The following ASIC2 variants were observed in gnomAD, a reference collection of about 807,000 sequenced individuals.
ASIC2 encodes the protein acid-sensing ion channel 2.
ASIC2 carries 25 observed loss-of-function variants against 57.3 expected under a neutral mutation model. That is an observed-to-expected ratio of 0.44 (90% CI 0.32 to 0.61). ASIC2 has a LOEUF of 0.61. ASIC2 is among the 20% of genes least tolerant of loss of function. ASIC2 has a pLI of 0.06. For synonymous variants in ASIC2, 319 were observed against 307.5 expected (o/e 1.04, Z -0.39); for missense variants, 641 against 738.1 (o/e 0.87, Z 1.52).
At chr17:33,159,713 A>G (rs1905108187) in intron 1 of ASIC2, among the ~76,000 whole-genome samples, 1 of 152,194 alleles carries the variant, frequency 6.6e-6, no homozygotes, top group African/African-American at 2.4e-5. Flanking sequence ...GGTTTGAAGT[A>G]GATTTATGTA....
intron 1 of ASIC2, chr17:33,794,615 T>A (rs903683659): frequency 2.3e-4 from 35 of 152,258 alleles, no homozygotes; most frequent in Non-Finnish European, 4.1e-4. Context: ...AATTCAAAAA[T>A]TTAGATGACT....
Position 33,292,175 on chromosome 17 carries a change from G to A in ASIC2, c.-60C>T. On this transcript the variant is annotated 5_prime_UTR_variant, in exon 1 of 10. Coordinates refer to ENST00000225823, the MANE Select transcript of ASIC2 (RefSeq NM_183377.2). ...CCCCGGCCGGGCGGAGCCGCCATGG[G>A]AGTCCGCAGCAGCAGTGGAAGCAGC... The A allele has an allele frequency of 9.8e-7, 1 of 1,016,714 alleles. No homozygotes were observed. Among genetic ancestry groups the A allele is most frequent in the Non-Finnish European group, 1.2e-6 (1 of 852,656 alleles). The allele number at this position is 1,016,714 out of a possible 1,614,324, so 63.0% of individuals were successfully genotyped here. A position where few individuals can be genotyped will look rare whatever the true frequency, so the allele number is the denominator to read the frequency against.
At chr17:34,041,772 T>A (rs1908143233) in intron 1 of ASIC2, among the ~76,000 whole-genome samples, 1 of 152,206 alleles carries the variant, frequency 6.6e-6, no homozygotes, top group African/African-American at 2.4e-5. Flanking sequence ...AGAATTTAGT[T>A]GGGATTCAGG....
chr17:34,049,461 C>T (rs1015368752), intron 1 of ASIC2, among the ~76,000 whole-genome samples: 1 of 152,130 alleles, frequency 6.6e-6, no homozygotes, highest in African/African-American at 2.4e-5. Flanking sequence ...GCACATCTCA[C>T]CCTTCTCCTG....
chr17:33,079,309 T>G (rs536955636), intron 3 of ASIC2, among the ~76,000 whole-genome samples: 1 of 152,174 alleles, frequency 6.6e-6, no homozygotes, highest in Admixed American at 6.5e-5. Flanking sequence ...GGTATGGCCA[T>G]GTTTGCACTG....
chr17:33,572,006 T>C (rs1916463004), intron 1 of ASIC2: 1 of 152,258 alleles, frequency 6.6e-6, no homozygotes, highest in African/African-American at 2.4e-5. Flanking sequence ...GACTGTGCTC[T>C]ACCTGTTCCT....
intron 1 of ASIC2, among the ~76,000 whole-genome samples, chr17:33,147,547 CT>C (rs922427122): frequency 2.6e-4 from 39 of 150,426 alleles, no homozygotes; most frequent in African/African-American, 6.6e-4. Flanking sequence ...AATTCAGTAT[CT>C]TTTTTTTTTC....
At chr17:33,913,770 A>G (rs1487057077) in intron 1 of ASIC2, among the ~76,000 whole-genome samples, 2 of 152,150 alleles carry the variant, frequency 1.3e-5, no homozygotes, top group African/African-American at 4.8e-5. Context: ...TATGTCAGAT[A>G]CCCAATAAAT....
chr17:33,794,003 C>A (rs1349052593), intron 1 of ASIC2: 2 of 152,084 alleles, frequency 1.3e-5, no homozygotes, highest in African/African-American at 4.8e-5. Context: ...CTCTAACTGC[C>A]TTTTCTTGGA....
chr17:33,621,548 G>A (rs1347899448), intron 1 of ASIC2, among the ~76,000 whole-genome samples: 1 of 152,206 alleles, frequency 6.6e-6, no homozygotes, highest in Non-Finnish European at 1.5e-5. Context: ...CAGTGTAGGT[G>A]AGATTGACTC....
intron 1 of ASIC2, among the ~76,000 whole-genome samples, chr17:34,068,136 C>T (rs533720382): frequency 2.0e-5 from 3 of 152,290 alleles, no homozygotes; most frequent in South Asian, 4.1e-4. Context: ...TAGCCCAAAT[C>T]GGGTAGGTGT....
chr17:33,321,284 T>C (rs575824204), intron 1 of ASIC2, among the ~76,000 whole-genome samples: 2 of 152,352 alleles, frequency 1.3e-5, no homozygotes, highest in South Asian at 4.1e-4. Flanking sequence ...TAGTTTTTGC[T>C]GCAGAGCTAC....
chr17:33,075,358 C>T (rs1304669445), intron 3 of ASIC2, among the ~76,000 whole-genome samples: 7 of 152,178 alleles, frequency 4.6e-5, no homozygotes, highest in African/African-American at 1.2e-4. Context: ...TACCCACTCT[C>T]GGGTATGTCT....
intron 1 of ASIC2, among the ~76,000 whole-genome samples, chr17:33,390,572 T>C (rs1909854019): frequency 6.6e-6 from 1 of 152,172 alleles, no homozygotes; most frequent in Admixed American, 6.5e-5. Flanking sequence ...CACAAGGCTG[T>C]AGAGTGTCTC....
At chr17:33,870,597 G>A (rs916878273) in intron 1 of ASIC2, among the ~76,000 whole-genome samples, 20 of 151,862 alleles carry the variant, frequency 1.3e-4, no homozygotes, top group East Asian at 3.9e-4. Context: ...TACAATTTTC[G>A]GAATCTACTT....
chr17:33,455,225 A>G (rs137985603), intron 1 of ASIC2, among the ~76,000 whole-genome samples: 1 of 152,186 alleles, frequency 6.6e-6, no homozygotes, highest in African/African-American at 2.4e-5. Flanking sequence ...CAGGGAGCAC[A>G]TTTGCAGGTT....
chr17:33,086,822 C>T (rs2092135692), intron 3 of ASIC2, among the ~76,000 whole-genome samples: 1 of 152,194 alleles, frequency 6.6e-6, no homozygotes, highest in Admixed American at 6.5e-5. Flanking sequence ...TAACTAACTT[C>T]AATAAGCACC....
chr17:34,137,125 CT>C (rs1272774229), intron 1 of ASIC2, among the ~76,000 whole-genome samples: 3 of 152,240 alleles, frequency 2.0e-5, no homozygotes, highest in Non-Finnish European at 4.4e-5. Context: ...ATAGATAATT[CT>C]TTCATGACAG....
At chr17:33,153,949 TCA>T (rs1904896413) in intron 1 of ASIC2, among the ~76,000 whole-genome samples, 1 of 152,146 alleles carries the variant, frequency 6.6e-6, no homozygotes, top group Admixed American at 6.5e-5. Flanking sequence ...GTCTGGCAAA[TCA>T]CAGTTTGACT....
Sources: allele counts gnomAD v4.1 joint callset (sites outside exome capture counted in the v4.1 genomes callset), GRCh38; gene constraint gnomAD v4.1.1; transcripts MANE v1.5; gene names NCBI Gene and HGNC (gene_info 2026-07-23, HGNC 2026-07-21).